Variants in LAMA3 observed in about 807,000 individuals in gnomAD.
The protein encoded by LAMA3 is laminin subunit alpha-3.
A neutral mutation model predicts 402.0 loss-of-function variants in LAMA3; 281 were observed. That is an observed-to-expected ratio of 0.70 (90% confidence interval 0.63 to 0.77). The LOEUF (loss-of-function observed/expected upper bound fraction) is 0.77, where lower values mean the gene tolerates loss of function less well. LAMA3 is among the 30% of genes least tolerant of loss of function. LAMA3 has a pLI of 0.00. For synonymous variants in LAMA3, 1,431 were observed against 1,558.4 expected (o/e 0.92, Z 1.93); for missense variants, 3,840 against 4,215.5 (o/e 0.91, Z 2.47).
At chr18:23,847,936 T>C (rs955306179) in intron 32 of LAMA3, among the ~76,000 whole-genome samples, 7 of 152,238 alleles carry the variant, frequency 4.6e-5, no homozygotes, top group African/African-American at 1.7e-4. Context: ...GCTGTCACTA[T>C]GGGACTGTGT....
rs758167336 is a variant in LAMA3 at position 23,758,527 on chromosome 18, G to A, written c.1063+16G>A. On this transcript the variant is annotated intron_variant, in intron 7 of 74. Transcript: ENST00000313654. ...GAGTGTGAAGGTGGGTGTGGGGATG[G>A]GGTGGGGGCCACACGTGGCCTTCTC... The A allele has an allele frequency of 6.3e-7, 1 of 1,576,168 alleles. No individual in the cohort carries two copies. The highest frequency in any genetic ancestry group is 1.8e-5 in the Admixed American group (1 of 57,032).
intron 1 of LAMA3, among the ~76,000 whole-genome samples, chr18:23,709,293 G>A (rs145659786): frequency 2.7e-5 from 4 of 150,518 alleles, no homozygotes; most frequent in African/African-American, 2.4e-5. Flanking sequence ...GGCTGCTCTC[G>A]AACTCCTGGG....
At chr18:23,952,391 G>A (rs2082947642) in intron 73 of LAMA3, among the ~76,000 whole-genome samples, 1 of 152,140 alleles carries the variant, frequency 6.6e-6, no homozygotes, top group East Asian at 1.9e-4. Flanking sequence ...TGAGTAGAGA[G>A]CAAGCATTTC....
chr18:23,938,754 A>G (rs1353126451), intron 67 of LAMA3, among the ~76,000 whole-genome samples: 2 of 151,976 alleles, frequency 1.3e-5, no homozygotes, highest in East Asian at 1.9e-4. Flanking sequence ...CACTGGTCCC[A>G]GGTGCGGCAG....
At chr18:23,898,880 T>G (rs1261636067) in intron 45 of LAMA3, 32 bp downstream of exon 45, 1 of 1,576,276 alleles carries the variant, frequency 6.3e-7, no homozygotes, top group Non-Finnish European at 8.7e-7. Context: ...ACTTTGGGGT[T>G]TTTTTGCTTT....
chr18:23,818,162 T>G (rs995169385), intron 18 of LAMA3, among the ~76,000 whole-genome samples: 2 of 152,062 alleles, frequency 1.3e-5, no homozygotes, highest in African/African-American at 2.4e-5. Flanking sequence ...CTTAAAAAAA[T>G]AAAAAAATGT....
rs543393127 is a variant in LAMA3 at position 23,884,675 on chromosome 18, G to A, written c.5223-98G>A. The stretch of plus-strand genomic sequence containing the variant: ...CAAAGTAACCAGACCCTGGGTTTCA[G>A]TGCTCACTTAATACAAGCCAGTCCT... On this transcript the variant is annotated intron_variant, in intron 40 of 74. Coordinates refer to ENST00000313654, the MANE Select transcript of LAMA3 (RefSeq NM_198129.4). 6.4e-5 allele frequency: 72 copies of A among 1,128,662 alleles called. No individual in the cohort carries two copies. The South Asian group carries it at 8.2e-4, about 13-fold the overall frequency. The allele number at this position is 1,128,662 out of a possible 1,614,324, so 69.9% of individuals were successfully genotyped here. A position where few individuals can be genotyped will look rare whatever the true frequency, so the allele number is the denominator to read the frequency against.
At chr18:23,913,461 C>T (rs571192390) in intron 56 of LAMA3, among the ~76,000 whole-genome samples, 1 of 152,200 alleles carries the variant, frequency 6.6e-6, no homozygotes, top group Non-Finnish European at 1.5e-5. Flanking sequence ...ATTCACTACC[C>T]ATACAGGCAT....
At position 23,838,897 on chromosome 18, in the gene LAMA3, G is replaced by C; in HGVS notation, c.3191+19G>C. On this transcript the variant is annotated intron_variant, in intron 26 of 74. Coordinates refer to ENST00000313654, the MANE Select transcript of LAMA3 (RefSeq NM_198129.4). ...ATCAAAGGTAATGTGTTTCCTTCCT[G>C]TCTCCCCGTTCATGTTCTGAGTGAT... 1 of 1,420,822 alleles carries C rather than the reference G, an allele frequency of 7.0e-7. No homozygotes were observed. Among genetic ancestry groups the C allele is most frequent in the Non-Finnish European group, 1.0e-6 (1 of 1,003,712 alleles). 88.0% of individuals were successfully genotyped at this position (1,420,822 alleles called of 1,614,324 possible).
intron 11 of LAMA3, among the ~76,000 whole-genome samples, chr18:23,779,844 T>C (rs559567471): frequency 6.6e-6 from 1 of 152,282 alleles, no homozygotes; most frequent in South Asian, 2.1e-4. Context: ...CTCAGTTACC[T>C]TCCTGACGTC....
chr18:23,926,004 T>G (rs1457310377), intron 62 of LAMA3, among the ~76,000 whole-genome samples: 2 of 152,200 alleles, frequency 1.3e-5, no homozygotes, highest in African/African-American at 2.4e-5. Context: ...TCTTAATGCC[T>G]CATTGCTACA....
intron 2 of LAMA3, among the ~76,000 whole-genome samples, chr18:23,744,790 C>T (rs1046584678): frequency 1.4e-5 from 2 of 143,948 alleles, no homozygotes; most frequent in Non-Finnish European, 3.0e-5. Context: ...CAAGATCGCA[C>T]CACTGCACTC....
chr18:23,849,395 G>A (rs1404070882), intron 32 of LAMA3, among the ~76,000 whole-genome samples: 1 of 152,222 alleles, frequency 6.6e-6, no homozygotes, highest in African/African-American at 2.4e-5. Context: ...GGATACCTGT[G>A]TTTAATCACA....
At chr18:23,777,678 C>G in intron 11 of LAMA3, 59 bp downstream of exon 11, 1 of 1,280,074 alleles carries the variant, frequency 7.8e-7, no homozygotes, top group African/African-American at 1.5e-5. Flanking sequence ...TATTCTTTTC[C>G]TACTTCCTGT....
chr18:23,906,219 G>A (rs1484799974), intron 52 of LAMA3, among the ~76,000 whole-genome samples: 1 of 152,230 alleles, frequency 6.6e-6, no homozygotes, highest in Admixed American at 6.5e-5. Context: ...CCTGGCCTTG[G>A]TGGGGAGGCT....
intron 8 of LAMA3, among the ~76,000 whole-genome samples, chr18:23,772,101 GT>G (rs2062211940): frequency 6.6e-6 from 1 of 151,530 alleles, no homozygotes; most frequent in Non-Finnish European, 1.5e-5. Context: ...GAGTGCAGTG[GT>G]GTGATTTCGG....
intron 57 of LAMA3, 63 bp downstream of exon 57, chr18:23,914,624 C>T (rs563177226): frequency 1.4e-5 from 23 of 1,605,160 alleles, no homozygotes; most frequent in Non-Finnish European, 1.9e-5. Flanking sequence ...TTGCTGAACC[C>T]CATTTTTAGT....
chr18:23,876,651 A>T (rs1328063802), intron 39 of LAMA3, among the ~76,000 whole-genome samples: 1 of 152,198 alleles, frequency 6.6e-6, no homozygotes, highest in African/African-American at 2.4e-5. Flanking sequence ...TAGCTTCTAA[A>T]TCTCTCCTTC....
At chr18:23,752,415 AT>A (rs539542312) in intron 5 of LAMA3, among the ~76,000 whole-genome samples, 135 of 152,342 alleles carry the variant, frequency 8.9e-4, no homozygotes, top group African/African-American at 3.1e-3. Context: ...TCTCCATTAA[AT>A]AATTGTTTTA....
Sources: gnomAD v4.1 joint callset for allele counts (sites outside exome capture counted in the v4.1 genomes callset) on GRCh38, gnomAD v4.1.1 for gene constraint, MANE v1.5 for transcripts, NCBI Gene and HGNC (gene_info 2026-07-23, HGNC 2026-07-21) for gene names.